Variants in RNPEPL1 observed in about 807,000 individuals in gnomAD.
RNPEPL1 encodes arginyl aminopeptidase like 1.
In RNPEPL1, 46 loss-of-function variants were observed where a neutral mutation model predicts 69.0. The observed-to-expected ratio is 0.67, with a 90% CI of 0.53 to 0.85. The LOEUF is 0.85. RNPEPL1 is among the 40% of genes least tolerant of loss of function. The pLI, the probability that RNPEPL1 is intolerant of heterozygous loss-of-function variation, is 0.00. For synonymous variants in RNPEPL1, 525 were observed against 454.1 expected (o/e 1.16, Z -1.98); for missense variants, 869 against 992.5 (o/e 0.88, Z 1.67).
In RNPEPL1 at chr2:240,576,830, C is replaced by G; in HGVS notation, c.1742-18C>G. 2 of 1,612,944 alleles carry G rather than the reference C, an allele frequency of 1.2e-6. No individual in the cohort carries two copies. Among genetic ancestry groups the G allele is most frequent in the Non-Finnish European group, 1.7e-6 (2 of 1,179,946 alleles). Reference sequence around the variant, plus strand: ...GGTGCAACAGCGGCCCAGCCCTGACCTGCCCCCTGCGCTGCAGAGGTGGTG... The same window carrying G: ...GGTGCAACAGCGGCCCAGCCCTGACGTGCCCCCTGCGCTGCAGAGGTGGTG... On this transcript the variant is annotated intron_variant, in intron 9 of 10. Transcript: ENST00000270357.
chr2:240,573,962 C>G (rs2093030246), intron 4 of RNPEPL1, 71 bp downstream of exon 4: 24 of 1,426,922 alleles, frequency 1.7e-5, no homozygotes, highest in Non-Finnish European at 2.0e-5. Flanking sequence ...TCGTCTGACC[C>G]CTGGGGTGTC....
Position 240,576,754 on chromosome 2 carries a change from C to CGCTGCCGCAGGGTGAGTCCCT in RNPEPL1, c.1733_1741+12dup, listed in dbSNP as rs763418800. 3.1e-6 allele frequency: 5 copies of CGCTGCCGCAGGGTGAGTCCCT among 1,612,832 alleles called. No homozygotes were observed. The highest frequency in any genetic ancestry group is 4.2e-6 in the Non-Finnish European group (5 of 1,179,862). ...CTGGACCGGCTCCTGGATGGGTCCC[C>CGCTGCCGCAGGGTGAGTCCCT]GCTGCCGCAGGGTGAGTCCCTGCAG... On this transcript the variant is annotated inframe_insertion, in exon 9 of 11. Transcript: ENST00000270357.
At position 240,577,796 on chromosome 2, in the gene RNPEPL1, T is replaced by C. The variant is rs2093042076; in HGVS notation, c.2082T>C (p.Ala694=). 1.2e-6 allele frequency: 2 copies of C among 1,610,518 alleles called. No individual in the cohort carries two copies. The highest frequency in any genetic ancestry group is 1.7e-6 in the Non-Finnish European group (2 of 1,178,290). Residue 694 remains alanine (A), a synonymous_variant, in exon 11 of 11, where the codon GCT becomes GCC. Coordinates refer to ENST00000270357, the MANE Select transcript of RNPEPL1 (RefSeq NM_018226.6). ...ASEPSTELGK[A]EADTDSDAQA... The stretch of plus-strand genomic sequence containing the variant: ...AGCCCAGCACGGAGCTGGGCAAGGC[T>C]GAAGCAGACACAGACTCGGACGCAC...
At chr2:240,571,560 G>C (rs921707315) in intron 1 of RNPEPL1, among the ~76,000 whole-genome samples, 2 of 152,098 alleles carry the variant, frequency 1.3e-5, no homozygotes, top group African/African-American at 2.4e-5. Context: ...ATTCCTGGAA[G>C]GAAGATGAGA....
chr2:240,578,194 T>A lies in RNPEPL1; in HGVS notation c.*302T>A. On this transcript the variant is annotated 3_prime_UTR_variant, in exon 11 of 11. Coordinates refer to ENST00000270357, the MANE Select transcript of RNPEPL1 (RefSeq NM_018226.6). ...GTGCCTAGCCCCGGATGCCAGCACCTGCCAGGTGCCGCCCCGGGGCAAGGG... is the reference window on the plus strand; with the variant it reads ...GTGCCTAGCCCCGGATGCCAGCACCAGCCAGGTGCCGCCCCGGGGCAAGGG... 3.4e-6 allele frequency: 1 copy of A among 293,796 alleles called. No homozygotes were observed. Among genetic ancestry groups the A allele is most frequent in the Non-Finnish European group, 6.4e-6 (1 of 157,292 alleles). 18.2% of individuals were successfully genotyped at this position (293,796 alleles called of 1,614,324 possible).
chr2:240,575,778 A>G, intron 8 of RNPEPL1, 168 bp downstream of exon 8: 1 of 626,486 alleles, frequency 1.6e-6, no homozygotes, highest in Non-Finnish European at 2.8e-6. Context: ...GTATGCTATG[A>G]GAACAGGGCT....
intron 1 of RNPEPL1, among the ~76,000 whole-genome samples, chr2:240,571,787 A>G (rs1243864818): frequency 6.6e-6 from 1 of 151,722 alleles, no homozygotes; most frequent in Non-Finnish European, 1.5e-5. Context: ...CAGCGGCCCC[A>G]GCCATCCTTC....
intron 6 of RNPEPL1, 102 bp from the exon 7 acceptor site, chr2:240,574,928 G>A (rs368259908): frequency 2.3e-5 from 20 of 886,088 alleles, no homozygotes; most frequent in East Asian, 1.4e-4. Context: ...GGACAGTGGC[G>A]CTTGGCCCTT....
In RNPEPL1 at chr2:240,568,706, C is replaced by A; in HGVS notation, c.120C>A (p.Arg40=). 1 of 1,069,056 alleles carries A rather than the reference C, an allele frequency of 9.4e-7. No individual in the cohort carries two copies. Among genetic ancestry groups the A allele is most frequent in the South Asian group, 2.8e-5 (1 of 36,158 alleles). The allele number at this position is 1,069,056 out of a possible 1,614,324, so 66.2% of individuals were successfully genotyped here. ...CGGCCTCCAGCGCGCAGCTCTTCCGCCTCCGCCACCTGCAGCTGGGCCTGG... is the reference window on the plus strand; with the variant it reads ...CGGCCTCCAGCGCGCAGCTCTTCCGACTCCGCCACCTGCAGCTGGGCCTGG... ...VASASSAQLF[R]LRHLQLGLEL... is the part of the protein sequence containing the mutation. The change falls in exon 1 of 11, where the codon CGC becomes CGA. Residue 40 remains arginine (R), a synonymous_variant. Transcript: ENST00000270357. The surrounding 1 kb of genome is among the most constrained non-coding windows in gnomAD (Gnocchi z 6.2).
In RNPEPL1 at chr2:240,576,536, G is replaced by A. The variant is rs1486291645; in HGVS notation, c.1512G>A (p.Gly504=). Residue 504 remains glycine, a splice_region_variant and synonymous_variant, in exon 9 of 11, where the codon GGG becomes GGA. Transcript: ENST00000270357. ...CCCAGGGTCACTTCTCCCCTCTAGG[G>A]CTGGAATTCGAGCGCTGGCTCAATG... The part of the protein sequence containing the change: ...LKEQSVDCRA[G]LEFERWLNAT... 2 of 1,610,120 alleles carry A rather than the reference G, an allele frequency of 1.2e-6. No homozygotes were observed. The highest frequency in any genetic ancestry group is 1.7e-5 in the Admixed American group (1 of 59,582).
rs1490938363 is a variant in RNPEPL1 at position 240,568,992 on chromosome 2, G to T, written c.406G>T (p.Ala136Ser). ...PGSEPACCPL[A>S]FRVDPFTDYG... ...CTCCGAGCCCGCCTGCTGTCCGCTG[G>T]CCTTCAGGGTGGACCCGTTCACCGA... Residue 136 changes from alanine (A) to serine (S), a missense_variant, in exon 1 of 11, where the codon GCC becomes TCC. This residue lies in a region of RNPEPL1 where 259 missense variants were observed against 201.5 expected (regional missense o/e 1.29). Coordinates refer to ENST00000270357, the MANE Select transcript of RNPEPL1 (RefSeq NM_018226.6). The surrounding 1 kb of genome is among the most constrained non-coding windows in gnomAD (Gnocchi z 6.2). The T allele has an allele frequency of 2.0e-6, 3 of 1,487,304 alleles. No homozygotes were observed. In the African/African-American group the frequency reaches 4.4e-5, roughly 22 times the overall value. The allele number at this position is 1,487,304 out of a possible 1,614,324, so 92.1% of individuals were successfully genotyped here.
In RNPEPL1 at chr2:240,568,507, C is replaced by A; in HGVS notation, c.-80C>A. The A allele has an allele frequency of 1.7e-6, 1 of 605,874 alleles. No homozygotes were observed. Among genetic ancestry groups the A allele is most frequent in the Non-Finnish European group, 2.1e-6 (1 of 486,124 alleles). The allele number at this position is 605,874 out of a possible 1,614,324, so 37.5% of individuals were successfully genotyped here. ...GCGACTTCCTGTTGTGCCCGCGCCC[C>A]GCCGCCGCCGCCGCCCGGCGCCCCT... On this transcript the variant is annotated 5_prime_UTR_variant, in exon 1 of 11. Coordinates refer to ENST00000270357, the MANE Select transcript of RNPEPL1 (RefSeq NM_018226.6). This position sits in a 1 kb window ranked among gnomAD's most constrained non-coding sequence, Gnocchi z 6.2.
At chr2:240,576,796 A>T (rs2093038982) in intron 9 of RNPEPL1, 31 bp downstream of exon 9, 4 of 1,612,236 alleles carry the variant, frequency 2.5e-6, no homozygotes, top group African/African-American at 1.3e-5. Context: ...GGGGCGGCCC[A>T]GGGGCTGGGG....
In RNPEPL1 at chr2:240,573,775, G is replaced by A; in HGVS notation, c.822G>A (p.Arg274=). The change falls in exon 4 of 11, where the codon AGG becomes AGA. Residue 274 remains arginine (R), a splice_region_variant and synonymous_variant. Coordinates refer to ENST00000270357, the MANE Select transcript of RNPEPL1 (RefSeq NM_018226.6). ...AGCTCACCCTCTCTGCATGCACCAG[G>A]AGCCGCGTGTGGGCCGAGCCATGCC... ...GDLKPADIGP[R]SRVWAEPCLL... is the part of the protein sequence containing the mutation. 1 of 1,534,718 alleles carries A rather than the reference G, an allele frequency of 6.5e-7. No individual in the cohort carries two copies. The highest frequency in any genetic ancestry group is 8.8e-7 in the Non-Finnish European group (1 of 1,138,132).
intron 2 of RNPEPL1, 50 bp downstream of exon 2, chr2:240,572,613 C>T (rs2093025110): frequency 1.3e-6 from 2 of 1,531,088 alleles, no homozygotes; most frequent in African/African-American, 1.4e-5. Context: ...AGCCCAGTGG[C>T]CTGGCCACGC....
chr2:240,569,856 A>G (rs1301881164), intron 1 of RNPEPL1, among the ~76,000 whole-genome samples: 1 of 152,210 alleles, frequency 6.6e-6, no homozygotes, highest in Non-Finnish European at 1.5e-5. Flanking sequence ...TGGGAAGTCC[A>G]GCTGTCACTG....
At chr2:240,576,168 T>C (rs946460144) in intron 8 of RNPEPL1, 21 of 335,048 alleles carry the variant, frequency 6.3e-5, no homozygotes, top group Admixed American at 2.7e-4. Flanking sequence ...AGAGCAGGAA[T>C]ATCATCTTAA....
intron 6 of RNPEPL1, 73 bp downstream of exon 6, chr2:240,574,701 G>C: frequency 7.9e-7 from 1 of 1,272,628 alleles, no homozygotes; most frequent in East Asian, 2.4e-5. Flanking sequence ...TGCCCTTCGT[G>C]TGTTCTGGCT....
chr2:240,578,095 TC>T lies in RNPEPL1; in HGVS notation c.*206del. 1 of 474,302 alleles carries T rather than the reference TC, an allele frequency of 2.1e-6. No individual in the cohort carries two copies. Among genetic ancestry groups the T allele is most frequent in the Non-Finnish European group, 3.6e-6 (1 of 274,232 alleles). The allele number at this position is 474,302 out of a possible 1,614,324, so 29.4% of individuals were successfully genotyped here. ...AGACCTGTGGACCTGGCCTCCCCAC[TC>T]CCAGCTCTCTTGCACTGCAGGCCCT... On this transcript the variant is annotated 3_prime_UTR_variant, in exon 11 of 11. Coordinates refer to ENST00000270357, the MANE Select transcript of RNPEPL1 (RefSeq NM_018226.6).
Sources: gnomAD v4.1 joint callset for allele counts (sites outside exome capture counted in the v4.1 genomes callset) on GRCh38, gnomAD v4.1.1 for gene constraint, gnomAD v4.1.1 regional missense constraint, Gnocchi (gnomAD v3.1) non-coding constraint, MANE v1.5 for transcripts, NCBI Gene and HGNC (gene_info 2026-07-23, HGNC 2026-07-21) for gene names.